PKP1: variants seen among roughly 807,000 people sequenced by gnomAD.
PKP1 encodes plakophilin 1.
PKP1 carries 27 observed loss-of-function variants against 76.4 expected under a neutral mutation model. The observed-to-expected ratio is 0.35, with a 90% confidence interval of 0.26 to 0.49. PKP1 has a LOEUF of 0.49. PKP1 is among the 20% of genes least tolerant of loss of function. The probability of loss-of-function intolerance (pLI) is 0.99; values close to 1 mark genes in which losing one functional copy is unlikely to be tolerated. For missense variants in PKP1, 964 were observed against 955.2 expected (o/e 1.01, Z -0.12); for synonymous variants, 404 against 384.2 (o/e 1.05, Z -0.60).
At chr1:201,297,523 C>T (rs532170872) in intron 2 of PKP1, among the ~76,000 whole-genome samples, 9 of 152,304 alleles carry the variant, frequency 5.9e-5, no homozygotes, top group South Asian at 2.1e-4. Flanking sequence ...GTTGAGGAAA[C>T]GCAGGCCCAG....
At chr1:201,307,888 G>A (rs141991118) in intron 2 of PKP1, among the ~76,000 whole-genome samples, 15 of 152,334 alleles carry the variant, frequency 9.8e-5, no homozygotes, top group East Asian at 3.9e-4. Context: ...GGGAGATCAC[G>A]CTGCTGAAGA....
At chr1:201,289,959 A>C (rs1275287183) in intron 1 of PKP1, among the ~76,000 whole-genome samples, 1 of 152,174 alleles carries the variant, frequency 6.6e-6, no homozygotes, top group Non-Finnish European at 1.5e-5. Flanking sequence ...TGGAGGTGGA[A>C]GAGGATGAGT....
At position 201,316,678 on chromosome 1, in the gene PKP1, A is replaced by T. The variant is rs1449856757; in HGVS notation, c.827A>T (p.Asp276Val). ...AYYIQHTCFQ[D>V]ESAKQQVYQL... ...TACATCCAGCATACCTGCTTCCAGG[A>T]TGAATCTGCCAAGCAACAGGTAGCT... The change falls in exon 4 of 14, where the codon GAT becomes GTT. Residue 276 changes from aspartate to valine, a missense_variant. Physicochemically the swap from Asp to Val is radical, Grantham distance 152. Coordinates refer to ENST00000367324, the MANE Select transcript of PKP1 (RefSeq NM_001005337.3). 1 of 1,613,920 alleles carries T rather than the reference A, an allele frequency of 6.2e-7. No homozygotes were observed.
chr1:201,283,806 C>T lies in PKP1; in HGVS notation c.104C>T (p.Thr35Met), dbSNP rs780267593. The T allele has an allele frequency of 1.7e-5, 28 of 1,614,040 alleles. No individual in the cohort carries two copies. The highest frequency in any genetic ancestry group is 2.3e-5 in the Non-Finnish European group (27 of 1,179,988). ...LPSDQKMKTG[T>M]SGRQRVQEQV... ...TCGGACCAAAAGATGAAAACAGGCA[C>T]GTCTGGCAGGCAGCGCGTGCAGGAG... Residue 35 changes from threonine (T) to methionine (M), a missense_variant, in exon 1 of 14, where the codon ACG becomes ATG. Transcript: ENST00000367324.
rs1046962 is a variant in PKP1 at position 201,332,745 on chromosome 1, A to G, written c.*2704A>G. The G allele has an allele frequency of 0.82, 124,998 of 152,192 alleles. 51,383 individuals are homozygous for G. The highest frequency in any genetic ancestry group is 0.9 in the South Asian group (4,334 of 4,808). The allele number at this position is 152,192 out of a possible 1,614,324, so 9.4% of individuals were successfully genotyped here. ...CCCAAGAGGCAGTGTTGCTGTCTGC[A>G]TGTCCACCTTGGAATCTGGCTGAAC... On this transcript the variant is annotated 3_prime_UTR_variant, in exon 14 of 14. Transcript: ENST00000367324.
At chr1:201,284,432 G>A (rs1655668287) in intron 1 of PKP1, among the ~76,000 whole-genome samples, 1 of 152,204 alleles carries the variant, frequency 6.6e-6, no homozygotes, top group Non-Finnish European at 1.5e-5. Flanking sequence ...GGGAACCCCA[G>A]TCCCTGTGGG....
intron 1 of PKP1, among the ~76,000 whole-genome samples, chr1:201,285,130 C>T (rs78186795): frequency 0.14 from 21,599 of 151,744 alleles, 2,337 homozygotes; most frequent in African/African-American, 0.3. Flanking sequence ...TCAACCAAGA[C>T]TTATGTATTA....
At chr1:201,310,847 C>T (rs1450005272) in intron 2 of PKP1, among the ~76,000 whole-genome samples, 1 of 152,202 alleles carries the variant, frequency 6.6e-6, no homozygotes, top group Non-Finnish European at 1.5e-5. Context: ...TCTGCCTTCC[C>T]CACCTTGCCC....
intron 2 of PKP1, among the ~76,000 whole-genome samples, chr1:201,308,510 G>A (rs904729713): frequency 2.6e-5 from 4 of 152,168 alleles, no homozygotes; most frequent in African/African-American, 7.2e-5. Context: ...TTCCAACTCT[G>A]GTCATTATGG....
Position 201,320,290 on chromosome 1 carries a change from G to T in PKP1, c.1256G>T (p.Gly419Val). The T allele has an allele frequency of 1.9e-6, 3 of 1,613,768 alleles. No homozygotes were observed. The highest frequency in any genetic ancestry group is 1.7e-6 in the Non-Finnish European group (2 of 1,179,758). ...CLRNLSSADAGRQTMRNYSGL... is the reference protein window; with the variant it reads ...CLRNLSSADAVRQTMRNYSGL... Reference sequence around the variant, plus strand: ...AGGAACCTGAGCTCGGCCGATGCAGGCCGCCAGACCATGCGTAACTACTCA... The same window carrying T: ...AGGAACCTGAGCTCGGCCGATGCAGTCCGCCAGACCATGCGTAACTACTCA... Residue 419 changes from glycine (G) to valine (V), a missense_variant, in exon 7 of 14, where the codon GGC becomes GTC. Transcript: ENST00000367324.
At chr1:201,317,149 G>A (rs1335464141) in intron 4 of PKP1, among the ~76,000 whole-genome samples, 1 of 152,176 alleles carries the variant, frequency 6.6e-6, no homozygotes, top group East Asian at 1.9e-4. Flanking sequence ...CTTCAGTTCA[G>A]CCCAAGGATG....
intron 2 of PKP1, among the ~76,000 whole-genome samples, chr1:201,298,932 G>A (rs1298285507): frequency 6.6e-6 from 1 of 152,224 alleles, no homozygotes; most frequent in African/African-American, 2.4e-5. Flanking sequence ...CAGATGAGAG[G>A]ACTGGGGTTG....
intron 3 of PKP1, chr1:201,316,117 CGGATGGACGGACGGACGGACGGAT>C: frequency 2.9e-5 from 1 of 35,086 alleles, no homozygotes; most frequent in Non-Finnish European, 8.4e-5. Flanking sequence ...GATGGATGGA[CGGATGGACGGACGGACGGACGGAT>C]GGACGGACGG....
intron 8 of PKP1, among the ~76,000 whole-genome samples, 188 bp from the exon 9 acceptor site, chr1:201,322,825 C>A (rs1473937874): frequency 3.3e-5 from 5 of 152,222 alleles, no homozygotes; most frequent in Non-Finnish European, 7.3e-5. Context: ...TCCCATGGAG[C>A]TGCTGCAGTG....
chr1:201,327,794 C>T (rs1444658885), intron 12 of PKP1, among the ~76,000 whole-genome samples: 2 of 152,140 alleles, frequency 1.3e-5, no homozygotes, highest in Admixed American at 6.5e-5. Flanking sequence ...CCTTCACATC[C>T]ATCATGCATT....
intron 1 of PKP1, among the ~76,000 whole-genome samples, chr1:201,288,636 T>TAC (rs139258774): frequency 1.2e-4 from 18 of 151,526 alleles, no homozygotes; most frequent in African/African-American, 1.7e-4. Context: ...CTTTCTCTCA[T>TAC]ACACACACAC....
chr1:201,315,153 C>G (rs557349949), intron 3 of PKP1, among the ~76,000 whole-genome samples: 2 of 152,340 alleles, frequency 1.3e-5, no homozygotes, highest in South Asian at 4.2e-4. Flanking sequence ...AGGGCAGCCT[C>G]TGGCTTCAGC....
chr1:201,327,467 G>A (rs775087769), intron 12 of PKP1, among the ~76,000 whole-genome samples: 4 of 152,202 alleles, frequency 2.6e-5, no homozygotes, highest in Non-Finnish European at 4.4e-5. Flanking sequence ...CTTTCCAACA[G>A]CACTGCATTG....
At chr1:201,287,883 C>T (rs373471354) in intron 1 of PKP1, among the ~76,000 whole-genome samples, 15 of 152,290 alleles carry the variant, frequency 9.8e-5, no homozygotes, top group East Asian at 7.7e-4. Flanking sequence ...ATAAAATGGA[C>T]GAATGTTAGA....
Sources: gnomAD v4.1 joint callset for allele counts (sites outside exome capture counted in the v4.1 genomes callset) on GRCh38, gnomAD v4.1.1 for gene constraint, MANE v1.5 for transcripts, NCBI Gene and HGNC (gene_info 2026-07-23, HGNC 2026-07-21) for gene names.